The following DLGAP1 variants were observed in gnomAD, a reference collection of about 807,000 sequenced individuals.
DLGAP1 encodes the protein disks large-associated protein 1.
DLGAP1 carries 11 observed loss-of-function variants against 90.8 expected under a neutral mutation model. That is an observed-to-expected ratio of 0.12 (90% CI 0.08 to 0.20). DLGAP1 has a LOEUF of 0.20. DLGAP1 is among the 10% of genes least tolerant of loss of function. The probability of loss-of-function intolerance (pLI) is 1.00; values close to 1 mark genes in which losing one functional copy is unlikely to be tolerated. For synonymous variants in DLGAP1, 558 were observed against 540.7 expected, an observed-to-expected ratio of 1.03 and a Z score of -0.44; for missense variants, 1,050 against 1,333.8, an observed-to-expected ratio of 0.79 and a Z score of 3.31.
intron 2 of DLGAP1, among the ~76,000 whole-genome samples, chr18:4,116,513 A>G (rs145108660): frequency 1.3e-5 from 2 of 151,260 alleles, no homozygotes; most frequent in South Asian, 2.1e-4. Context: ...GTTCCACTCT[A>G]TTCTTTCAGG....
intron 1 of DLGAP1, among the ~76,000 whole-genome samples, chr18:4,188,024 C>T (rs548665623): frequency 6.6e-6 from 1 of 151,748 alleles, no homozygotes; most frequent in Non-Finnish European, 1.5e-5. Flanking sequence ...CAAAACAAAC[C>T]CATTAAATTG....
At chr18:4,437,916 T>C (rs891535895) in intron 1 of DLGAP1, among the ~76,000 whole-genome samples, 1 of 152,176 alleles carries the variant, frequency 6.6e-6, no homozygotes, top group East Asian at 1.9e-4. Flanking sequence ...GTTTAAAAGA[T>C]TTTATGTGAA....
intron 2 of DLGAP1, among the ~76,000 whole-genome samples, chr18:4,123,977 A>G (rs2076194005): frequency 6.6e-6 from 1 of 152,194 alleles, no homozygotes; most frequent in Admixed American, 6.5e-5. Context: ...CATGTTAAAG[A>G]TGCGCTCCTA....
chr18:3,553,419 T>C (rs972115034), intron 9 of DLGAP1, among the ~76,000 whole-genome samples: 1 of 152,242 alleles, frequency 6.6e-6, no homozygotes, highest in Non-Finnish European at 1.5e-5. Flanking sequence ...ATTTTTACAA[T>C]GTAAATACTA....
chr18:3,741,023 CCACCACCACCACCAT>C (rs2062912568), intron 6 of DLGAP1, among the ~76,000 whole-genome samples: 4 of 121,576 alleles, frequency 3.3e-5, no homozygotes, highest in Non-Finnish European at 7.1e-5. Flanking sequence ...ACCATCACCA[CCACCACCACCACCAT>C]CACCTCACCA....
intron 7 of DLGAP1, among the ~76,000 whole-genome samples, chr18:3,678,930 G>A (rs2060409779): frequency 6.6e-6 from 1 of 152,162 alleles, no homozygotes. Context: ...AGCTCACAGA[G>A]GATAGTGAAT....
intron 2 of DLGAP1, among the ~76,000 whole-genome samples, chr18:4,150,051 A>C (rs2076648468): frequency 6.6e-6 from 1 of 152,172 alleles, no homozygotes; most frequent in African/African-American, 2.4e-5. Context: ...CCTGGGAGGA[A>C]CCAAGTTCCC....
At chr18:3,958,355 T>A (rs568183165) in intron 3 of DLGAP1, among the ~76,000 whole-genome samples, 3 of 151,274 alleles carry the variant, frequency 2.0e-5, no homozygotes, top group Non-Finnish European at 2.9e-5. Flanking sequence ...AAGGAAGTTA[T>A]GTATGCATGA....
At chr18:3,580,529 G>A (rs2145361545) in intron 8 of DLGAP1, 1 of 1,598,636 alleles carries the variant, frequency 6.3e-7, no homozygotes, top group South Asian at 1.1e-5. Flanking sequence ...GGCGGCGGCA[G>A]CGGAGATGGC....
intron 2 of DLGAP1, among the ~76,000 whole-genome samples, chr18:4,090,146 G>A (rs9945729): frequency 0.17 from 26,405 of 152,074 alleles, 2,634 homozygotes; most frequent in Middle Eastern, 0.26. Context: ...TAAAAACCTT[G>A]GAAGAAAATG....
At chr18:3,559,389 G>C (rs1385311747) in intron 9 of DLGAP1, among the ~76,000 whole-genome samples, 3 of 152,070 alleles carry the variant, frequency 2.0e-5, no homozygotes, top group Non-Finnish European at 2.9e-5. Context: ...TGATTATCTA[G>C]TTGGATTAAC....
intron 4 of DLGAP1, among the ~76,000 whole-genome samples, chr18:3,874,967 C>T (rs2148815438): frequency 6.6e-6 from 1 of 152,278 alleles, no homozygotes; most frequent in Non-Finnish European, 1.5e-5. Flanking sequence ...TACTTATAGA[C>T]TTCTCATTTT....
rs180946606 is a variant in DLGAP1 at position 3,540,225 on chromosome 18, G to A, written c.2058-5610C>T. On this transcript the variant is annotated intron_variant, in intron 9 of 12. Coordinates refer to ENST00000315677, the MANE Select transcript of DLGAP1 (RefSeq NM_004746.4). ...CTCACGTCTGTAGTCCCAGCACTTC[G>A]GGAAGCCAAGGCGGGCAGATCACTT... is the stretch of plus-strand genomic sequence containing the variant. 3.2e-3 allele frequency among the ~76,000 whole-genome samples: 491 copies of A among 152,048 alleles called. 6 individuals are homozygous for A. Among genetic ancestry groups the A allele is most frequent in the African/African-American group, 0.011 (471 of 41,472 alleles).
At chr18:4,381,781 C>A (rs1000504390) in intron 1 of DLGAP1, among the ~76,000 whole-genome samples, 1 of 152,084 alleles carries the variant, frequency 6.6e-6, no homozygotes, top group African/African-American at 2.4e-5. Context: ...AGGTTCCAGG[C>A]ACTTGCTTAT....
At chr18:4,110,402 T>G (rs1373487587) in intron 2 of DLGAP1, among the ~76,000 whole-genome samples, 1 of 152,240 alleles carries the variant, frequency 6.6e-6, no homozygotes, top group Non-Finnish European at 1.5e-5. Flanking sequence ...CTTGGTAATA[T>G]GGATTACTCT....
chr18:4,304,656 C>T (rs560872113), intron 1 of DLGAP1, among the ~76,000 whole-genome samples: 7 of 152,154 alleles, frequency 4.6e-5, no homozygotes, highest in African/African-American at 1.2e-4. Flanking sequence ...ATTGGCCAGG[C>T]GTGGTGGCTC....
chr18:4,147,759 A>C (rs2076610811), intron 2 of DLGAP1, among the ~76,000 whole-genome samples: 1 of 152,212 alleles, frequency 6.6e-6, no homozygotes, highest in Non-Finnish European at 1.5e-5. Flanking sequence ...GAAGACTCAG[A>C]GCTTGTTATT....
intron 2 of DLGAP1, among the ~76,000 whole-genome samples, chr18:4,071,216 A>G (rs2075441504): frequency 7.5e-6 from 1 of 133,194 alleles, no homozygotes; most frequent in African/African-American, 2.8e-5. Context: ...TTTAAAAGCT[A>G]AAACTTTATA....
intron 4 of DLGAP1, among the ~76,000 whole-genome samples, chr18:3,856,806 A>G (rs969275792): frequency 2.6e-5 from 4 of 151,924 alleles, no homozygotes; most frequent in Non-Finnish European, 5.9e-5. Flanking sequence ...TCTTGCAGTG[A>G]GCCGAGATTC....
Sources: gnomAD v4.1 joint callset for allele counts (sites outside exome capture counted in the v4.1 genomes callset) on GRCh38, gnomAD v4.1.1 for gene constraint, MANE v1.5 for transcripts, NCBI Gene and HGNC (gene_info 2026-07-23, HGNC 2026-07-21) for gene names.